Variants in SFRP1 observed in about 807,000 individuals in gnomAD.
The protein encoded by SFRP1 is secreted frizzled-related protein 1.
In SFRP1, 9 loss-of-function variants were observed where a neutral mutation model predicts 25.9. That is an observed-to-expected ratio of 0.35 (90% confidence interval 0.21 to 0.61). The LOEUF is 0.61. Among genes scored for constraint, SFRP1 ranks in the 20% least tolerant of loss-of-function variants. SFRP1 has a pLI of 0.78. For synonymous variants in SFRP1, 178 were observed against 174.0 expected (o/e 1.02, Z -0.18); for missense variants, 346 against 418.2 (o/e 0.83, Z 1.51).
intron 2 of SFRP1, among the ~76,000 whole-genome samples, chr8:41,293,532 A>C (rs1803803394): frequency 6.6e-6 from 1 of 152,120 alleles, no homozygotes; most frequent in Non-Finnish European, 1.5e-5. Context: ...TGACACCAGG[A>C]ATGCCCTCCT....
chr8:41,291,173 G>T (rs1803775199), intron 2 of SFRP1, among the ~76,000 whole-genome samples: 5 of 151,924 alleles, frequency 3.3e-5, no homozygotes, highest in African/African-American at 9.7e-5. Flanking sequence ...CTCCCAAAGT[G>T]CTGGGATTAC....
chr8:41,266,590 C>T (rs1803438399), intron 2 of SFRP1, among the ~76,000 whole-genome samples: 1 of 151,724 alleles, frequency 6.6e-6, no homozygotes, highest in Non-Finnish European at 1.5e-5. Context: ...CATGCACCAT[C>T]ATGCCTGGCT....
In SFRP1 at chr8:41,290,886, C is replaced by CTTTTTTTTTTTTTTT. The variant is rs561965318; in HGVS notation, c.622+12560_622+12574dup. Among the ~76,000 whole-genome samples, 82 of 53,884 alleles carry CTTTTTTTTTTTTTTT rather than the reference C, an allele frequency of 1.5e-3. 26 individuals are homozygous for CTTTTTTTTTTTTTTT. Among genetic ancestry groups the CTTTTTTTTTTTTTTT allele is most frequent in the Non-Finnish European group, 2.4e-3 (58 of 24,592 alleles). The allele number at this position is 53,884 out of a possible 152,430, so 35.3% of individuals were successfully genotyped here. On this transcript the variant is annotated intron_variant, in intron 2 of 2. Coordinates refer to ENST00000220772, the MANE Select transcript of SFRP1 (RefSeq NM_003012.5). ...GTCTTCTTCTCCTCCTCTTCCTCGTCTTTTTTTTTTTTTTTTTTTTTTTTT... is the reference window on the plus strand; with the variant it reads ...GTCTTCTTCTCCTCCTCTTCCTCGTCTTTTTTTTTTTTTTTTTTTTTTTTTTTTTTTTTTTTTTTT...
chr8:41,272,895 TG>T (rs1233077339), intron 2 of SFRP1, among the ~76,000 whole-genome samples: 1 of 151,976 alleles, frequency 6.6e-6, no homozygotes, highest in Admixed American at 6.6e-5. Flanking sequence ...TTTACAAATA[TG>T]AAAGACAAAA....
chr8:41,278,197 G>GCA (rs1803593503), intron 2 of SFRP1, among the ~76,000 whole-genome samples: 2 of 152,190 alleles, frequency 1.3e-5, no homozygotes. Flanking sequence ...AAGGTGGTCA[G>GCA]CACTACTTAC....
intron 2 of SFRP1, among the ~76,000 whole-genome samples, chr8:41,293,759 GTTTTGT>G (rs1302250561): frequency 1.3e-5 from 2 of 151,832 alleles, no homozygotes; most frequent in Non-Finnish European, 2.9e-5. Context: ...TTTGTGGGGG[GTTTTGT>G]TTTTGTTTTT....
At chr8:41,273,253 G>A (rs908420991) in intron 2 of SFRP1, among the ~76,000 whole-genome samples, 1 of 152,168 alleles carries the variant, frequency 6.6e-6, no homozygotes, top group African/African-American at 2.4e-5. Context: ...ACTTTGGGAG[G>A]CAGAGGTAGG....
chr8:41,304,378 C>T (rs1803966839), intron 1 of SFRP1, among the ~76,000 whole-genome samples: 1 of 152,172 alleles, frequency 6.6e-6, no homozygotes, highest in African/African-American at 2.4e-5. Flanking sequence ...GAGAGCAGGA[C>T]GGCGCTTTCC....
chr8:41,309,403 G>T lies in SFRP1; in HGVS notation c.-244C>A. On this transcript the variant is annotated 5_prime_UTR_variant, in exon 1 of 3. Coordinates refer to ENST00000220772, the MANE Select transcript of SFRP1 (RefSeq NM_003012.5). Reference sequence around the variant, plus strand: ...TGGGTGCGCCCCGGCTCCCGGAGGTGCGGCGAGCAGGAAGGCGCGGGGCGG... The same window carrying T: ...TGGGTGCGCCCCGGCTCCCGGAGGTTCGGCGAGCAGGAAGGCGCGGGGCGG... The T allele has an allele frequency of 5.1e-6, 1 of 196,730 alleles. No homozygotes were observed. The highest frequency in any genetic ancestry group is 2.4e-5 in the African/African-American group (1 of 42,388). The allele number at this position is 196,730 out of a possible 1,614,324, so 12.2% of individuals were successfully genotyped here. A position where few individuals can be genotyped will look rare whatever the true frequency, so the allele number is the denominator to read the frequency against.
At chr8:41,266,510 A>G (rs1585502547) in intron 2 of SFRP1, among the ~76,000 whole-genome samples, 1 of 151,714 alleles carries the variant, frequency 6.6e-6, no homozygotes, top group South Asian at 2.1e-4. Context: ...ATCTCGGCTC[A>G]CTGCAGCCTC....
rs973490177 is a variant in SFRP1 at position 41,274,533 on chromosome 8, A to G, written c.623-9044T>C. 9.2e-5 allele frequency among the ~76,000 whole-genome samples: 14 copies of G among 152,386 alleles called. No homozygotes were observed. The East Asian group carries it at 2.7e-3, about 29-fold the overall frequency. ...TGTGATATACCTGTACTGGAAAGACAGTGCAAGAGAGATAAATCTTTAACT... is the reference window on the plus strand; with the variant it reads ...TGTGATATACCTGTACTGGAAAGACGGTGCAAGAGAGATAAATCTTTAACT... On this transcript the variant is annotated intron_variant, in intron 2 of 2. Transcript: ENST00000220772.
At chr8:41,274,675 A>G (rs1295277061) in intron 2 of SFRP1, among the ~76,000 whole-genome samples, 2 of 152,196 alleles carry the variant, frequency 1.3e-5, no homozygotes, top group African/African-American at 4.8e-5. Flanking sequence ...AAAATACTTG[A>G]AAATTATTAC....
At chr8:41,280,846 C>T (rs1420330600) in intron 2 of SFRP1, among the ~76,000 whole-genome samples, 1 of 152,166 alleles carries the variant, frequency 6.6e-6, no homozygotes, top group Non-Finnish European at 1.5e-5. Flanking sequence ...GGTGCTCGGC[C>T]CACATTCTGG....
chr8:41,263,421 G>A lies in SFRP1; in HGVS notation c.*1746C>T, dbSNP rs1471251622. On this transcript the variant is annotated 3_prime_UTR_variant, in exon 3 of 3. Coordinates refer to ENST00000220772, the MANE Select transcript of SFRP1 (RefSeq NM_003012.5). ...GGTTAATTTATCAGGATAACTCTCC[G>A]GTAGGTAACTAGGCGGGCATGCTGA... 10 of 152,208 alleles carry A rather than the reference G, an allele frequency of 6.6e-5. No homozygotes were observed. Among genetic ancestry groups the A allele is most frequent in the African/African-American group, 1.9e-4 (8 of 41,436 alleles). The allele number at this position is 152,208 out of a possible 1,614,324, so 9.4% of individuals were successfully genotyped here.
chr8:41,299,819 G>A (rs1477404744), intron 2 of SFRP1, among the ~76,000 whole-genome samples: 1 of 152,000 alleles, frequency 6.6e-6, no homozygotes, highest in Non-Finnish European at 1.5e-5. Context: ...TTCATTCCAA[G>A]ACACAGATTT....
chr8:41,293,071 C>T (rs1320644356), intron 2 of SFRP1, among the ~76,000 whole-genome samples: 1 of 152,224 alleles, frequency 6.6e-6, no homozygotes, highest in Non-Finnish European at 1.5e-5. Flanking sequence ...CTGTGCACTT[C>T]TCAGCACCTT....
intron 2 of SFRP1, among the ~76,000 whole-genome samples, chr8:41,287,306 G>T (rs773086543): frequency 6.6e-6 from 1 of 152,230 alleles, no homozygotes; most frequent in Non-Finnish European, 1.5e-5. Context: ...AATGACAGGC[G>T]TGCCAGCTTG....
In SFRP1 at chr8:41,265,401, G is replaced by A. The variant is rs779858914; in HGVS notation, c.711C>T (p.Pro237=). The change falls in exon 3 of 3, where the codon CCC becomes CCT. Residue 237 remains proline (P), a synonymous_variant. Coordinates refer to ENST00000220772, the MANE Select transcript of SFRP1 (RefSeq NM_003012.5). The part of the protein sequence containing the change: ...PKKKKPLKLG[P]IKKKDLKKLV... ...GCTTCTTCAGGTCCTTCTTCTTGAT[G>A]GGCCCCAACTTCAGGGGCTTCTTCT... 1.2e-6 allele frequency: 2 copies of A among 1,613,812 alleles called. No homozygotes were observed. The highest frequency in any genetic ancestry group is 2.2e-5 in the East Asian group (1 of 44,864).
At chr8:41,280,719 A>G (rs1214163545) in intron 2 of SFRP1, among the ~76,000 whole-genome samples, 1 of 152,218 alleles carries the variant, frequency 6.6e-6, no homozygotes, top group East Asian at 1.9e-4. Flanking sequence ...CTGCTGACCC[A>G]TGGGGCCAAA....
Sources: allele counts gnomAD v4.1 joint callset (sites outside exome capture counted in the v4.1 genomes callset), GRCh38; gene constraint gnomAD v4.1.1; transcripts MANE v1.5; gene names NCBI Gene and HGNC (gene_info 2026-07-23, HGNC 2026-07-21).